ADAM28: variants seen among roughly 807,000 people sequenced by gnomAD.
The protein encoded by ADAM28 is disintegrin and metalloproteinase domain-containing protein 28.
A neutral mutation model predicts 101.2 loss-of-function variants in ADAM28; 105 were observed. The ratio of observed to expected loss-of-function variants is 1.04; its 90% CI spans 0.89 to 1.22. The LOEUF is 1.22. Among genes scored for constraint, ADAM28 ranks in the 50% most tolerant of loss-of-function variants. The probability of loss-of-function intolerance (pLI) is 0.00; values close to 1 mark genes in which losing one functional copy is unlikely to be tolerated. For synonymous variants in ADAM28, 322 were observed against 310.6 expected (o/e 1.04, Z -0.39); for missense variants, 1,028 against 945.4 (o/e 1.09, Z -1.15).
Position 24,343,133 on chromosome 8 carries a change from G to A in ADAM28, c.1863G>A (p.Glu621=), listed in dbSNP as rs778280603. 6.8e-6 allele frequency: 11 copies of A among 1,613,816 alleles called. No homozygotes were observed. The highest frequency in any genetic ancestry group is 1.7e-5 in the Admixed American group (1 of 59,974). Residue 621 remains glutamate, a synonymous_variant, in exon 17 of 23, where the codon GAG becomes GAA. Coordinates refer to ENST00000265769, the MANE Select transcript of ADAM28 (RefSeq NM_014265.6). ...TTAATGCAGAATGTGTGGATATTGA[G>A]AAAGCCTACAAATCAACCAATTGCT... is the stretch of plus-strand genomic sequence containing the variant. ...VCINAECVDI[E]KAYKSTNCSS...
intron 21 of ADAM28, 68 bp downstream of exon 21, chr8:24,352,120 G>A (rs1585758995): frequency 7.6e-7 from 1 of 1,313,794 alleles, no homozygotes; most frequent in Non-Finnish European, 1.1e-6. Flanking sequence ...GAAAGTCATA[G>A]CCCACAACAC....
chr8:24,351,342 TG>T, intron 20 of ADAM28, 32 bp downstream of exon 20: 1 of 1,591,100 alleles, frequency 6.3e-7, no homozygotes, highest in African/African-American at 1.3e-5. Flanking sequence ...GTGATTACCA[TG>T]GCCCCACTTT....
At position 24,332,989 on chromosome 8, in the gene ADAM28, G is replaced by A. The variant is rs574158816; in HGVS notation, c.1371+240G>A. On this transcript the variant is annotated intron_variant, in intron 13 of 22. Transcript: ENST00000265769. ...GAGAAAAAAATGCAGAGTAGAAAAT[G>A]AACAAAATAATATGGCCACTATTTG... Among the ~76,000 whole-genome samples the A allele has an allele frequency of 7.9e-5, 12 of 152,164 alleles. No homozygotes were observed. In the South Asian group the frequency reaches 2.1e-3, roughly 26 times the overall value.
chr8:24,310,043 G>T (rs1432530465), intron 3 of ADAM28, 73 bp downstream of exon 3: 19 of 1,468,082 alleles, frequency 1.3e-5, no homozygotes, highest in Non-Finnish European at 4.8e-6. Context: ...TGAGTCTGTT[G>T]CTGCTTATGG....
intron 9 of ADAM28, 25 bp downstream of exon 9, chr8:24,324,028 C>T (rs751635888): frequency 1.2e-6 from 2 of 1,607,828 alleles, no homozygotes; most frequent in Admixed American, 3.4e-5. Context: ...TCTCCCATTG[C>T]ACACTATGTG....
intron 11 of ADAM28, among the ~76,000 whole-genome samples, 166 bp downstream of exon 11, chr8:24,330,281 A>G (rs932844816): frequency 6.6e-6 from 1 of 152,154 alleles, no homozygotes; most frequent in Non-Finnish European, 1.5e-5. Flanking sequence ...TTAATAACTA[A>G]GACATAATTT....
rs779596539 is a variant in ADAM28 at position 24,329,951 on chromosome 8, A to G, written c.973-34A>G. ...GAGTGATGTATAATTTCATTCGAAA[A>G]TCAGAGAATCTTTTTCTTCTTTCAT... is the stretch of plus-strand genomic sequence containing the variant. On this transcript the variant is annotated intron_variant, in intron 10 of 22. Coordinates refer to ENST00000265769, the MANE Select transcript of ADAM28 (RefSeq NM_014265.6). 14 of 1,591,644 alleles carry G rather than the reference A, an allele frequency of 8.8e-6. No individual in the cohort carries two copies. In the Admixed American group the frequency reaches 2.3e-4, roughly 26 times the overall value.
intron 15 of ADAM28, 124 bp downstream of exon 15, chr8:24,339,692 A>G: frequency 2.5e-6 from 2 of 799,282 alleles, no homozygotes; most frequent in Non-Finnish European, 4.0e-6. Flanking sequence ...TTTGACAAAC[A>G]TTTATTGAGT....
chr8:24,332,578 A>C (rs920528440), intron 12 of ADAM28, 82 bp from the exon 13 acceptor site: 2 of 658,134 alleles, frequency 3.0e-6, no homozygotes, highest in Non-Finnish European at 4.8e-6. Context: ...CATATGCCTG[A>C]TGAATATAGT....
chr8:24,356,699 T>C lies in ADAM28; in HGVS notation c.*2295T>C, dbSNP rs1816709822. On this transcript the variant is annotated 3_prime_UTR_variant, in exon 23 of 23. Transcript: ENST00000265769. Reference sequence around the variant, plus strand: ...TAAGGGAATTCCGCTTATTTGACATTTAACTACCTCAGATATGCCACCAAA... The same window carrying C: ...TAAGGGAATTCCGCTTATTTGACATCTAACTACCTCAGATATGCCACCAAA... 6.6e-6 allele frequency: 1 copy of C among 152,180 alleles called. No homozygotes were observed. The highest frequency in any genetic ancestry group is 6.6e-5 in the Admixed American group (1 of 15,258). The allele number at this position is 152,180 out of a possible 1,614,324, so 9.4% of individuals were successfully genotyped here.
chr8:24,344,352 A>G (rs1402851863), intron 18 of ADAM28, among the ~76,000 whole-genome samples: 3 of 152,146 alleles, frequency 2.0e-5, no homozygotes, highest in African/African-American at 7.2e-5. Context: ...GATATAGTGT[A>G]GGTATCTAGA....
Position 24,311,404 on chromosome 8 carries a change from C to A in ADAM28, c.350C>A (p.Ser117Tyr). 2 of 1,613,154 alleles carry A rather than the reference C, an allele frequency of 1.2e-6. No homozygotes were observed. The highest frequency in any genetic ancestry group is 2.2e-5 in the South Asian group (2 of 90,982). Residue 117 changes from serine to tyrosine, a missense_variant, in exon 5 of 23, where the codon TCT (serine) becomes TAT (tyrosine). By Grantham distance (144) the Ser-to-Tyr change is moderately radical. Transcript: ENST00000265769. The stretch of plus-strand genomic sequence containing the variant: ...GGACATATTCTTAATGAAAAGGTTT[C>A]TGACGCTAGCATCAGCACATGTAGG... ...YQGHILNEKV[S>Y]DASISTCRGL...
At chr8:24,326,777 C>A in intron 10 of ADAM28, 142 bp downstream of exon 10, 1 of 707,828 alleles carries the variant, frequency 1.4e-6, no homozygotes, top group Non-Finnish European at 2.2e-6. Flanking sequence ...AAATGTTGAA[C>A]TAATTTTGCA....
chr8:24,350,038 A>G (rs1038366151), intron 19 of ADAM28, 66 bp downstream of exon 19: 87 of 1,351,580 alleles, frequency 6.4e-5, no homozygotes, highest in Non-Finnish European at 7.9e-5. Flanking sequence ...TTTAAATTCA[A>G]TGTATAACCT....
intron 9 of ADAM28, among the ~76,000 whole-genome samples, chr8:24,325,889 A>AAAAAAC (rs1483412498): frequency 2.1e-3 from 300 of 141,962 alleles, no homozygotes; most frequent in African/African-American, 8.1e-3. Context: ...AAAAAAAAAA[A>AAAAAAC]AAAAAAAAAA....
chr8:24,324,027 G>A (rs1329262011), intron 9 of ADAM28, 24 bp downstream of exon 9: 2 of 1,608,072 alleles, frequency 1.2e-6, no homozygotes, highest in East Asian at 2.2e-5. Flanking sequence ...TTCTCCCATT[G>A]CACACTATGT....
At chr8:24,348,106 T>C (rs1815630638) in intron 18 of ADAM28, among the ~76,000 whole-genome samples, 1 of 152,172 alleles carries the variant, frequency 6.6e-6, no homozygotes, top group African/African-American at 2.4e-5. Flanking sequence ...TTTTCTCTCC[T>C]TTCTTACTTT....
rs555769283 is a variant in ADAM28, at chr8:24,294,557, C to T, written c.46+362C>T. 3.3e-5 allele frequency among the ~76,000 whole-genome samples: 5 copies of T among 152,080 alleles called. No individual in the cohort carries two copies. In the East Asian group the frequency reaches 9.6e-4, roughly 29 times the overall value. On this transcript the variant is annotated intron_variant, in intron 1 of 22. Transcript: ENST00000265769. ...CATTTAAAGAATGGTAAAGATGTGG[C>T]AGATTTATTTATTTATTACTGTGTA... is the stretch of plus-strand genomic sequence containing the variant.
chr8:24,351,189 G>A (rs949631564), intron 19 of ADAM28, 43 bp from the exon 20 acceptor site: 2 of 1,425,328 alleles, frequency 1.4e-6, no homozygotes, highest in Non-Finnish European at 1.9e-6. Context: ...TCATGCTGAA[G>A]GAGCTGCTAA....
Sources: gnomAD v4.1 joint callset for allele counts (sites outside exome capture counted in the v4.1 genomes callset) on GRCh38, gnomAD v4.1.1 for gene constraint, MANE v1.5 for transcripts, NCBI Gene and HGNC (gene_info 2026-07-23, HGNC 2026-07-21) for gene names.